Variants in KIAA1549L observed in about 807,000 individuals in gnomAD.
The protein encoded by KIAA1549L is UPF0606 protein KIAA1549L.
In KIAA1549L, 88 loss-of-function variants were observed where a neutral mutation model predicts 160.7. That is an observed-to-expected ratio of 0.55 (90% confidence interval 0.46 to 0.65). KIAA1549L has a LOEUF of 0.65. Among genes scored for constraint, KIAA1549L ranks in the 30% least tolerant of loss-of-function variants. The probability of loss-of-function intolerance (pLI) is 0.00; values close to 1 mark genes in which losing one functional copy is unlikely to be tolerated. For missense variants in KIAA1549L, 2,258 were observed against 2,437.5 expected (o/e 0.93, Z 1.55); for synonymous variants, 950 against 976.7 (o/e 0.97, Z 0.51).
chr11:33,634,308 G>A (rs1055925897), intron 16 of KIAA1549L, among the ~76,000 whole-genome samples: 2 of 152,152 alleles, frequency 1.3e-5, no homozygotes, highest in Non-Finnish European at 2.9e-5. Context: ...CTCCCAAAGT[G>A]CTGGGATTAC....
chr11:33,612,478 A>G (rs35454537), intron 15 of KIAA1549L, among the ~76,000 whole-genome samples: 53,414 of 152,150 alleles, frequency 0.35, 9,856 homozygotes, highest in Middle Eastern at 0.5. Flanking sequence ...GCTGGTCTCA[A>G]ACTCCTGGGC....
In KIAA1549L at chr11:33,458,166, C is replaced by T. The variant is rs547914189; in HGVS notation, c.238+81277C>T. On this transcript the variant is annotated intron_variant, in intron 1 of 20. Transcript: ENST00000658780. The stretch of plus-strand genomic sequence containing the variant: ...AGAGACCCCTTGTGGTGTGGGTTGG[C>T]GCTGGCAAAGAAGGTGGGGCCAGCA... Among the ~76,000 whole-genome samples the T allele has an allele frequency of 3.3e-4, 50 of 152,248 alleles. 2 individuals carry two copies. In the South Asian group the frequency reaches 5.6e-3, roughly 17 times the overall value.
At chr11:33,387,686 G>A (rs762144581) in intron 1 of KIAA1549L, among the ~76,000 whole-genome samples, 25 of 152,298 alleles carry the variant, frequency 1.6e-4, no homozygotes, top group Non-Finnish European at 2.2e-4. Flanking sequence ...AGGGAAAATT[G>A]CATTGGTTGC....
intron 16 of KIAA1549L, among the ~76,000 whole-genome samples, chr11:33,639,988 A>G (rs1323307390): frequency 6.6e-6 from 1 of 152,230 alleles, no homozygotes; most frequent in African/African-American, 2.4e-5. Flanking sequence ...CTTATTCTCT[A>G]TACATTTATT....
At chr11:33,439,093 A>T (rs1394616823) in intron 1 of KIAA1549L, among the ~76,000 whole-genome samples, 1 of 151,824 alleles carries the variant, frequency 6.6e-6, no homozygotes, top group South Asian at 2.1e-4. Context: ...CTCCTGGCTA[A>T]TTTTTTTGTA....
At chr11:33,473,559 T>C (rs985832239) in intron 1 of KIAA1549L, among the ~76,000 whole-genome samples, 1 of 152,198 alleles carries the variant, frequency 6.6e-6, no homozygotes, top group Non-Finnish European at 1.5e-5. Flanking sequence ...CCCTGTCTTA[T>C]AATCTCATTC....
chr11:33,654,546 C>T (rs1159479620), intron 17 of KIAA1549L, among the ~76,000 whole-genome samples: 1 of 152,192 alleles, frequency 6.6e-6, no homozygotes, highest in Non-Finnish European at 1.5e-5. Context: ...CATCCATCCT[C>T]CCTCCCTAGA....
intron 1 of KIAA1549L, among the ~76,000 whole-genome samples, chr11:33,522,654 G>A (rs1036681817): frequency 2.0e-5 from 3 of 152,160 alleles, no homozygotes; most frequent in African/African-American, 7.2e-5. Context: ...CCAGCACTTT[G>A]GGAGGCTAAG....
At chr11:33,535,986 A>G (rs1464798149) in intron 1 of KIAA1549L, among the ~76,000 whole-genome samples, 1 of 152,292 alleles carries the variant, frequency 6.6e-6, no homozygotes, top group Admixed American at 6.5e-5. Context: ...ATTAATACAG[A>G]TATGTTTTAC....
At chr11:33,547,973 A>G (rs1854322708) in intron 4 of KIAA1549L, 94 bp downstream of exon 4, 1 of 788,864 alleles carries the variant, frequency 1.3e-6, no homozygotes. Flanking sequence ...TCTAGGGATC[A>G]TAACAACACT....
In KIAA1549L at chr11:33,592,775, A is replaced by T. The variant is rs550555777; in HGVS notation, c.4751+1354A>T. ...GGGATAGAGAAATGGAGAAGGAGAC[A>T]TAGTGCTATTTTAGCTAGGAAGCTA... is the stretch of plus-strand genomic sequence containing the variant. On this transcript the variant is annotated intron_variant, in intron 12 of 20. Transcript: ENST00000658780. Among the ~76,000 whole-genome samples the T allele has an allele frequency of 1.4e-4, 21 of 152,380 alleles. No individual in the cohort carries two copies. The South Asian group carries it at 3.5e-3, about 26-fold the overall frequency.
At position 33,545,044 on chromosome 11, in the gene KIAA1549L, T is replaced by C. The variant is rs746446512; in HGVS notation, c.3051T>C (p.His1017=). Reference sequence around the variant, plus strand: ...CCTACATGTATGCAAGAACAGGACATACCACGAGCACACATACAGCCATGC... The same window carrying C: ...CCTACATGTATGCAAGAACAGGACACACCACGAGCACACATACAGCCATGC... ...TPTYMYARTG[H]TTSTHTAMQG... The change falls in exon 3 of 21, where the codon CAT becomes CAC. Residue 1017 remains histidine, a synonymous_variant. Transcript: ENST00000658780. 2 of 1,613,844 alleles carry C rather than the reference T, an allele frequency of 1.2e-6. No individual in the cohort carries two copies. Among genetic ancestry groups the C allele is most frequent in the Admixed American group, 1.7e-5 (1 of 60,004 alleles).
intron 15 of KIAA1549L, among the ~76,000 whole-genome samples, chr11:33,610,248 A>C (rs972637568): frequency 3.9e-5 from 6 of 152,188 alleles, no homozygotes; most frequent in Admixed American, 6.5e-5. Context: ...AGCTGAATGA[A>C]GATTATAATT....
intron 1 of KIAA1549L, among the ~76,000 whole-genome samples, chr11:33,390,826 C>T (rs1221033626): frequency 2.0e-5 from 3 of 152,144 alleles, no homozygotes; most frequent in Non-Finnish European, 4.4e-5. Context: ...ATAAATACTC[C>T]CACCATGGCT....
At chr11:33,556,410 G>A (rs1047224125) in intron 6 of KIAA1549L, among the ~76,000 whole-genome samples, 1 of 152,168 alleles carries the variant, frequency 6.6e-6, no homozygotes, top group African/African-American at 2.4e-5. Context: ...AGCAACCCAT[G>A]TGTCCATTAA....
At chr11:33,636,665 G>C (rs1461545149) in intron 16 of KIAA1549L, among the ~76,000 whole-genome samples, 2 of 152,102 alleles carry the variant, frequency 1.3e-5, no homozygotes, top group Non-Finnish European at 2.9e-5. Context: ...ATTGTGAACA[G>C]TATATTGTTA....
At chr11:33,377,332 CTG>C (rs1849977310) in intron 1 of KIAA1549L, among the ~76,000 whole-genome samples, 1 of 152,186 alleles carries the variant, frequency 6.6e-6, no homozygotes, top group South Asian at 2.1e-4. Context: ...ACAGTTTCTC[CTG>C]TGTTGATAGC....
intron 18 of KIAA1549L, among the ~76,000 whole-genome samples, chr11:33,657,862 C>G (rs1852120847): frequency 6.6e-6 from 1 of 152,216 alleles, no homozygotes; most frequent in Non-Finnish European, 1.5e-5. Flanking sequence ...CTCCCATGTT[C>G]TCCCTTGCCG....
intron 1 of KIAA1549L, among the ~76,000 whole-genome samples, chr11:33,392,394 C>T (rs1045153330): frequency 1.3e-5 from 2 of 152,174 alleles, no homozygotes; most frequent in Non-Finnish European, 2.9e-5. Context: ...GACATCAGTA[C>T]ATGTCACCCC....
Sources: gnomAD v4.1 joint callset for allele counts (sites outside exome capture counted in the v4.1 genomes callset) on GRCh38, gnomAD v4.1.1 for gene constraint, MANE v1.5 for transcripts, NCBI Gene and HGNC (gene_info 2026-07-23, HGNC 2026-07-21) for gene names.